TMT1B: variants seen among roughly 807,000 people sequenced by gnomAD.
TMT1B encodes thiol methyltransferase 1B, also known as thiol S-methyltransferase TMT1B.
At chr12:55,682,181 T>C in the TMT1B span, 1 of 1,613,912 alleles carries the variant, frequency 6.2e-7, no homozygotes, top group Non-Finnish European at 8.5e-7. Flanking sequence ...TGTGGTGGTC[T>C]GCACTCTGGT....
the TMT1B span, chr12:55,683,860 C>T: frequency 1.2e-6 from 2 of 1,614,102 alleles, no homozygotes; most frequent in Admixed American, 3.3e-5. Flanking sequence ...CATATGGAAG[C>T]TGGGCCTTCA....
At chr12:55,684,432 C>A in the TMT1B span, 1 of 200,856 alleles carries the variant, frequency 5.0e-6, no homozygotes. Flanking sequence ...GAACTGGTCA[C>A]AAAAGTCATG....
At chr12:55,684,507 G>A in the TMT1B span, 1 of 170,660 alleles carries the variant, frequency 5.9e-6, no homozygotes, top group African/African-American at 2.4e-5. Context: ...TCCTGAGCTG[G>A]GGGCACCAGG....
the TMT1B span, chr12:55,682,289 C>A: frequency 6.3e-7 from 1 of 1,582,388 alleles, no homozygotes; most frequent in South Asian, 1.1e-5. Flanking sequence ...GTGGGGCAGG[C>A]AAACGCAGCA....
the TMT1B span, chr12:55,681,941 A>G: frequency 6.2e-7 from 1 of 1,614,170 alleles, no homozygotes; most frequent in South Asian, 1.1e-5. Context: ...CAGCCAGATA[A>G]AGGGGCTTAC....
chr12:55,683,173 G>C, the TMT1B span, among the ~76,000 whole-genome samples: 3 of 152,152 alleles, frequency 2.0e-5, no homozygotes, highest in Admixed American at 6.5e-5. Context: ...TCTGGGTTTT[G>C]TGAGAGAGGT....
chr12:55,684,146 T>A, the TMT1B span: 2 of 1,130,216 alleles, frequency 1.8e-6, no homozygotes. Context: ...GAGAGGGACC[T>A]AGCAGAATGA....
chr12:55,682,325 A>G, the TMT1B span: 3 of 1,473,808 alleles, frequency 2.0e-6, no homozygotes, highest in African/African-American at 1.4e-5. Flanking sequence ...TTCGGCCCCC[A>G]GAATGGGGCG....
At chr12:55,681,940 A>C in the TMT1B span, 2 of 1,614,170 alleles carry the variant, frequency 1.2e-6, no homozygotes, top group Non-Finnish European at 1.7e-6. Context: ...TCAGCCAGAT[A>C]AAGGGGCTTA....
chr12:55,682,325 A>C, the TMT1B span: 1 of 1,473,808 alleles, frequency 6.8e-7, no homozygotes, highest in Non-Finnish European at 9.2e-7. Flanking sequence ...TTCGGCCCCC[A>C]GAATGGGGCG....
At chr12:55,684,334 G>A in the TMT1B span, 40 of 392,658 alleles carry the variant, frequency 1.0e-4, no homozygotes, top group Middle Eastern at 2.3e-3. Context: ...GTCTCCCAAC[G>A]TTTGCCTCCC....
At chr12:55,682,091 G>A in the TMT1B span, 1 of 1,614,210 alleles carries the variant, frequency 6.2e-7, no homozygotes, top group Non-Finnish European at 8.5e-7. Context: ...GAGCATGGCT[G>A]AGAACAGGCA....
the TMT1B span, among the ~76,000 whole-genome samples, chr12:55,682,991 G>A: frequency 9.9e-5 from 15 of 152,284 alleles, no homozygotes; most frequent in Admixed American, 3.3e-4. Flanking sequence ...CTGATGAAAA[G>A]TGCCATTTGC....
chr12:55,683,683 G>T, the TMT1B span: 3 of 884,858 alleles, frequency 3.4e-6, no homozygotes, highest in South Asian at 4.8e-5. Flanking sequence ...TCAGGGGCAC[G>T]ACAGTTTGCT....
chr12:55,684,608 G>A, the TMT1B span: 10 of 176,408 alleles, frequency 5.7e-5, no homozygotes, highest in South Asian at 1.7e-4. Flanking sequence ...ACGAAACCAC[G>A]AAACCACTAG....
chr12:55,682,226 C>A, the TMT1B span: 4 of 1,613,488 alleles, frequency 2.5e-6, no homozygotes, highest in Non-Finnish European at 3.4e-6. Context: ...GAAGGTCCTG[C>A]AGGAGGTCCG....
At chr12:55,683,915 G>A in the TMT1B span, 4 of 1,614,148 alleles carry the variant, frequency 2.5e-6, no homozygotes, top group Middle Eastern at 1.7e-4. Flanking sequence ...CATTGGGGAT[G>A]GCTGCTGCCT....
chr12:55,684,097 A>G, the TMT1B span: 7 of 1,569,714 alleles, frequency 4.5e-6, no homozygotes, highest in African/African-American at 2.7e-5. Context: ...CCAGCCTCCA[A>G]TTAGAACAAG....
chr12:55,683,929 CAG>C, the TMT1B span: 10 of 1,613,998 alleles, frequency 6.2e-6, no homozygotes, highest in Admixed American at 1.7e-5. Flanking sequence ...GCTGCCTCAC[CAG>C]AGAGACCTGG....
Sources: gnomAD v4.1 joint callset for allele counts (sites outside exome capture counted in the v4.1 genomes callset) on GRCh38, gnomAD v4.1.1 for gene constraint, MANE v1.5 for transcripts, NCBI Gene and HGNC (gene_info 2026-07-23, HGNC 2026-07-21) for gene names.